EPC1: variants seen among roughly 807,000 people sequenced by gnomAD.
EPC1 encodes enhancer of polycomb homolog 1.
In EPC1, 12 loss-of-function variants were observed where a neutral mutation model predicts 98.4. The ratio of observed to expected loss-of-function variants is 0.12; its 90% CI spans 0.08 to 0.20. The LOEUF is 0.20. Ranked by LOEUF, EPC1 falls within the 10% of genes least tolerant of loss-of-function variation. EPC1 has a pLI of 1.00. For synonymous variants in EPC1, 357 were observed against 363.9 expected (o/e 0.98, Z 0.21); for missense variants, 729 against 990.5 (o/e 0.74, Z 3.54).
intron 1 of EPC1, among the ~76,000 whole-genome samples, chr10:32,358,687 C>T (rs543981211): frequency 4.3e-4 from 65 of 150,320 alleles, no homozygotes; most frequent in African/African-American, 1.2e-3. Context: ...TAAATTTTCA[C>T]GGTTTAAGGC....
At chr10:32,316,851 T>C (rs560802788) in intron 1 of EPC1, among the ~76,000 whole-genome samples, 9 of 152,348 alleles carry the variant, frequency 5.9e-5, no homozygotes, top group African/African-American at 2.2e-4. Flanking sequence ...TAATGAATGA[T>C]ATGCATACTG....
chr10:32,302,927 CA>C (rs1835655741), intron 2 of EPC1, among the ~76,000 whole-genome samples: 1 of 152,086 alleles, frequency 6.6e-6, no homozygotes, highest in Admixed American at 6.5e-5. Context: ...CTCCAGGAAA[CA>C]GTGTGGAAAC....
In EPC1 at chr10:32,271,872, A is replaced by G. The variant is rs1564516942; in HGVS notation, c.2051T>C (p.Leu684Pro). ...TGCCGTTGATGGACTTGTATGTACAAGTGCTGTTGGTGTAGTACTACTGAG... is the reference window on the plus strand; with the variant it reads ...TGCCGTTGATGGACTTGTATGTACAGGTGCTGTTGGTGTAGTACTACTGAG... ...LHLSSTTPTA[L>P]VHTSPSTAGS... The change falls in exon 13 of 14, where the codon CTT becomes CCT. Residue 684 changes from leucine to proline, a missense_variant. Leu to Pro is a moderately conservative substitution (Grantham distance 98, BLOSUM62 -3). This residue lies in a region of EPC1 where 156 missense variants were observed against 188.9 expected (regional missense o/e 0.83). Coordinates refer to ENST00000319778, the MANE Select transcript of EPC1 (RefSeq NM_001272004.3). 18 of 1,614,174 alleles carry G rather than the reference A, an allele frequency of 1.1e-5. No homozygotes were observed. Among genetic ancestry groups the G allele is most frequent in the Non-Finnish European group, 1.5e-5 (18 of 1,180,024 alleles).
intron 1 of EPC1, among the ~76,000 whole-genome samples, chr10:32,333,212 C>T (rs529506784): frequency 3.9e-5 from 6 of 152,024 alleles, no homozygotes; most frequent in Admixed American, 1.3e-4. Flanking sequence ...TGGTGGCGTG[C>T]GCCTGTAGTC....
chr10:32,368,732 A>G lies in EPC1; in HGVS notation c.3+9759T>C, dbSNP rs117227793. On this transcript the variant is annotated intron_variant, in intron 1 of 13. Transcript: ENST00000375110. ...CAAAATCCATACACCTGAATGCGGTAATCTTTTAAATTCGCGTCGCACTGT... is the reference window on the plus strand; with the variant it reads ...CAAAATCCATACACCTGAATGCGGTGATCTTTTAAATTCGCGTCGCACTGT... 9.5e-3 allele frequency among the ~76,000 whole-genome samples: 1,441 copies of G among 152,296 alleles called. 11 individuals are homozygous for G. Among genetic ancestry groups the G allele is most frequent in the Middle Eastern group, 0.027 (8 of 294 alleles).
At chr10:32,308,019 C>T (rs1368094515) in intron 1 of EPC1, among the ~76,000 whole-genome samples, 5 of 152,138 alleles carry the variant, frequency 3.3e-5, no homozygotes, top group Admixed American at 2.0e-4. Flanking sequence ...TTCAAGCATT[C>T]GTTTATTTTG....
intron 6 of EPC1, 128 bp from the exon 7 acceptor site, chr10:32,287,402 C>A (rs1172914129): frequency 1.1e-6 from 1 of 909,940 alleles, no homozygotes; most frequent in African/African-American, 1.7e-5. Flanking sequence ...AGACACAACA[C>A]TCTATGTTTG....
chr10:32,346,678 T>C, intron 1 of EPC1, 85 bp downstream of exon 1: 3 of 1,332,656 alleles, frequency 2.3e-6, no homozygotes, highest in South Asian at 1.2e-5. Context: ...GCGGCCATTT[T>C]GTGTGGGTTT....
intron 6 of EPC1, among the ~76,000 whole-genome samples, chr10:32,289,717 A>G (rs3006619): frequency 0.99 from 149,713 of 151,806 alleles, 73,848 homozygotes; most frequent in Middle Eastern, 1. Context: ...TCTGCCTCCC[A>G]GGTTCACGCC....
chr10:32,274,040 T>A (rs1835962448), intron 10 of EPC1: 2 of 150,748 alleles, frequency 1.3e-5, no homozygotes, highest in African/African-American at 4.9e-5. Flanking sequence ...AGCTCAGTTC[T>A]AAAAAAAACA....
At position 32,313,470 on chromosome 10, in the gene EPC1, G is replaced by GA. The variant is rs1455813200; in HGVS notation, c.154-7540dup. Among the ~76,000 whole-genome samples the GA allele has an allele frequency of 2.0e-5, 3 of 152,296 alleles. No homozygotes were observed. In the East Asian group the frequency reaches 5.8e-4, roughly 29 times the overall value. ...TACAGTGTAATAAAGTACTATGAAG[G>GA]AAAAGTACAATATGTTTAGAGAAAT... On this transcript the variant is annotated intron_variant, in intron 1 of 13. Transcript: ENST00000319778.
chr10:32,270,858 T>C (rs1835808423), intron 13 of EPC1, among the ~76,000 whole-genome samples: 1 of 145,312 alleles, frequency 6.9e-6, no homozygotes, highest in African/African-American at 2.5e-5. Context: ...AAGAATAGCT[T>C]AGCATACCAG....
intron 1 of EPC1, among the ~76,000 whole-genome samples, chr10:32,326,675 C>G (rs1837298246): frequency 1.3e-5 from 2 of 151,922 alleles, no homozygotes; most frequent in South Asian, 4.2e-4. Flanking sequence ...ACAAGCAGTA[C>G]AAAATATTTG....
chr10:32,280,738 A>G (rs1199796191), intron 10 of EPC1, among the ~76,000 whole-genome samples: 1 of 151,546 alleles, frequency 6.6e-6, no homozygotes, highest in African/African-American at 2.4e-5. Context: ...ACTCTGTCTC[A>G]AAAACATGAC....
intron 1 of EPC1, among the ~76,000 whole-genome samples, chr10:32,323,363 T>C (rs1343913416): frequency 1.3e-5 from 2 of 152,188 alleles, no homozygotes; most frequent in Non-Finnish European, 2.9e-5. Context: ...TGTTCAAATA[T>C]GTGTATTTTA....
At chr10:32,351,019 A>G (rs1006873221), upstream of EPC1, among the ~76,000 whole-genome samples, 2 of 152,066 alleles carry the variant, frequency 1.3e-5, no homozygotes, top group African/African-American at 4.8e-5. Flanking sequence ...CATTCCCTCA[A>G]TAAACCTTTT....
intron 1 of EPC1, 94 bp downstream of exon 1, chr10:32,346,669 C>T: frequency 5.7e-6 from 7 of 1,221,402 alleles, no homozygotes; most frequent in Non-Finnish European, 8.2e-6. Context: ...GAGAAGATGG[C>T]GGCCATTTTG....
intron 13 of EPC1, 61 bp from the exon 14 acceptor site, chr10:32,269,196 T>C (rs1315474406): frequency 7.7e-6 from 11 of 1,424,336 alleles, no homozygotes; most frequent in Admixed American, 3.8e-5. Context: ...CAAATGAACA[T>C]TATCTTCCCA....
chr10:32,278,697 A>G (rs1836239847), intron 10 of EPC1, among the ~76,000 whole-genome samples: 2 of 152,182 alleles, frequency 1.3e-5, no homozygotes, highest in African/African-American at 4.8e-5. Flanking sequence ...TTTAGTACAC[A>G]GGCCAAACAT....
Sources: gnomAD v4.1 joint callset for allele counts (sites outside exome capture counted in the v4.1 genomes callset) on GRCh38, gnomAD v4.1.1 for gene constraint, gnomAD v4.1.1 regional missense constraint, MANE v1.5 for transcripts, NCBI Gene and HGNC (gene_info 2026-07-23, HGNC 2026-07-21) for gene names.